The following DKC1 variants were observed in gnomAD, a reference collection of about 807,000 sequenced individuals.
DKC1 encodes the protein dyskerin pseudouridine synthase 1.
Under a neutral mutation model 46.7 loss-of-function variants are expected in DKC1, and 4 were observed. That is an observed-to-expected ratio of 0.09 (90% CI 0.04 to 0.20). DKC1 has a LOEUF of 0.20. Ranked by LOEUF, DKC1 falls within the 10% of genes least tolerant of loss-of-function variation. DKC1 has a pLI of 1.00. For missense variants in DKC1, 171 were observed against 404.2 expected, an observed-to-expected ratio of 0.42 and a Z score of 4.95; for synonymous variants, 141 against 142.4, an observed-to-expected ratio of 0.99 and a Z score of 0.07.
In DKC1 at chrX:154,762,884, G is replaced by C; in HGVS notation, c.-82G>C. ...CGGGTGGGTGGGTCCTAGCAGCGCG[G>C]CCTGACGGGACCAAGGCGGCGGGAG... On this transcript the variant is annotated 5_prime_UTR_variant, in exon 1 of 15. Coordinates refer to ENST00000369550, the MANE Select transcript of DKC1 (RefSeq NM_001363.5). The C allele has an allele frequency of 8.9e-7, 1 of 1,122,712 alleles. No homozygotes were observed. The highest frequency in any genetic ancestry group is 1.8e-5 in the African/African-American group (1 of 55,774). 92.5% of individuals were successfully genotyped at this position (1,122,712 alleles called of 1,213,427 possible).
intron 13 of DKC1, 77 bp downstream of exon 13, chrX:154,775,350 T>C: frequency 1.0e-6 from 1 of 983,677 alleles, no homozygotes; most frequent in Non-Finnish European, 1.4e-6. Flanking sequence ...CGTCTTACTT[T>C]GTGACTGTCC....
chrX:154,766,437 A>G, intron 5 of DKC1, 37 bp downstream of exon 5: 1 of 1,130,268 alleles, frequency 8.8e-7, no homozygotes, highest in Non-Finnish European at 1.2e-6. Context: ...GGCTAGAGTG[A>G]AAAGCTTTCT....
chrX:154,776,063 C>A, intron 13 of DKC1, 124 bp from the exon 14 acceptor site: 1 of 907,036 alleles, frequency 1.1e-6, no homozygotes, highest in Non-Finnish European at 1.6e-6. Flanking sequence ...GGTTTGTAGT[C>A]AGAAAACGTC....
intron 5 of DKC1, 149 bp downstream of exon 5, chrX:154,766,549 T>C: frequency 1.8e-6 from 1 of 563,908 alleles, no homozygotes; most frequent in Middle Eastern, 5.5e-4. Flanking sequence ...GTACGTTCTG[T>C]CCCCTGCCAG....
chrX:154,762,996 C>T lies in DKC1; in HGVS notation c.16+15C>T. 8.5e-7 allele frequency: 1 copy of T among 1,176,734 alleles called. No individual in the cohort carries two copies. On this transcript the variant is annotated intron_variant, in intron 1 of 14. Coordinates refer to ENST00000369550, the MANE Select transcript of DKC1 (RefSeq NM_001363.5). ...GGATGCGGAAGGTAAGGGCTGCAGG[C>T]TTCCGGGCCGTGCTAACTCCGGGCG...
intron 1 of DKC1, among the ~76,000 whole-genome samples, chrX:154,763,896 C>T (rs1569558446): frequency 9.0e-6 from 1 of 111,620 alleles, no homozygotes; most frequent in Admixed American, 9.5e-5. Context: ...CAGGGCCGGG[C>T]GCGGTGGCTC....
In DKC1 at chrX:154,776,848, T is replaced by C; in HGVS notation, c.1526T>C (p.Val509Ala). 8.3e-7 allele frequency: 1 copy of C among 1,203,286 alleles called. No individual in the cohort carries two copies. Among genetic ancestry groups the C allele is most frequent in the Non-Finnish European group, 1.1e-6 (1 of 890,755 alleles). The change falls in exon 15 of 15, where the codon GTA becomes GCA. Residue 509 changes from valine (V) to alanine (A), a missense_variant. This residue lies in a region of DKC1 where 54 missense variants were observed against 64.4 expected (regional missense o/e 0.84). Coordinates refer to ENST00000369550, the MANE Select transcript of DKC1 (RefSeq NM_001363.5). Reference sequence around the variant, plus strand: ...AAGAAGAAGAAGAAAGCAAAAGAGGTAGAATTGGTTTCTGAGTAGTGAAGG... The same window carrying C: ...AAGAAGAAGAAGAAAGCAAAAGAGGCAGAATTGGTTTCTGAGTAGTGAAGG... ...KKKKKKKAKEVELVSE is the reference protein window; with the variant it reads ...KKKKKKKAKEAELVSE
chrX:154,763,598 C>G (rs1410688039), intron 1 of DKC1, among the ~76,000 whole-genome samples: 1 of 112,191 alleles, frequency 8.9e-6, no homozygotes, highest in African/African-American at 3.2e-5. Flanking sequence ...GGGACCCATA[C>G]ATTTGGCCTT....
At chrX:154,770,618 C>T in intron 9 of DKC1, 141 bp from the exon 10 acceptor site, 1 of 784,338 alleles carries the variant, frequency 1.3e-6, no homozygotes, top group East Asian at 3.2e-5. Context: ...CCACTCATGC[C>T]CCTTGCAGCT....
intron 5 of DKC1, 187 bp downstream of exon 5, chrX:154,766,587 T>G (rs1557264200): frequency 2.2e-6 from 1 of 462,855 alleles, no homozygotes; most frequent in Non-Finnish European, 3.7e-6. Flanking sequence ...TTTTTGGAAT[T>G]CCACATACTA....
chrX:154,763,771 T>C (rs782615689), intron 1 of DKC1, among the ~76,000 whole-genome samples: 1 of 112,268 alleles, frequency 8.9e-6, no homozygotes, highest in East Asian at 2.8e-4. Context: ...GCTCCTAGGC[T>C]TCAAACCTGG....
intron 14 of DKC1, 118 bp from the exon 15 acceptor site, chrX:154,776,681 C>T: frequency 1.4e-6 from 1 of 732,506 alleles, no homozygotes; most frequent in Non-Finnish European, 2.1e-6. Context: ...CCCAAAATAT[C>T]CTTACAGGTC....
At chrX:154,770,974 C>A in intron 10 of DKC1, 95 bp downstream of exon 10, 1 of 853,811 alleles carries the variant, frequency 1.2e-6, no homozygotes, top group Non-Finnish European at 1.7e-6. Context: ...TTGATACAGG[C>A]ATGCAATACA....
chrX:154,776,469 C>A, intron 14 of DKC1, 145 bp downstream of exon 14: 1 of 891,171 alleles, frequency 1.1e-6, no homozygotes, highest in Non-Finnish European at 1.6e-6. Context: ...TAGTGCTTCC[C>A]CATGTTCCTG....
chrX:154,774,905 G>C (rs1177896476), intron 12 of DKC1, 200 bp downstream of exon 12: 6 of 568,706 alleles, frequency 1.1e-5, no homozygotes, highest in Non-Finnish European at 1.9e-5. Flanking sequence ...ACTTGGTTTG[G>C]GGCAAACTTG....
At chrX:154,770,912 A>G in intron 10 of DKC1, 33 bp downstream of exon 10, 1 of 1,198,719 alleles carries the variant, frequency 8.3e-7, no homozygotes, top group Non-Finnish European at 1.1e-6. Context: ...TAAATTCTAA[A>G]TGTTTGTGGT....
At chrX:154,765,609 C>A in intron 3 of DKC1, 79 bp downstream of exon 3, 1 of 804,876 alleles carries the variant, frequency 1.2e-6, no homozygotes, top group Non-Finnish European at 1.9e-6. Flanking sequence ...ATTGAGAATG[C>A]TTACTGCTGG....
rs1205131210 is a variant in DKC1, at chrX:154,762,891, G to T, written c.-75G>T. ...GTGGGTCCTAGCAGCGCGGCCTGAC[G>T]GGACCAAGGCGGCGGGAGTCTGCGG... On this transcript the variant is annotated 5_prime_UTR_variant, in exon 1 of 15. Transcript: ENST00000369550. 6.2e-6 allele frequency: 7 copies of T among 1,138,189 alleles called. No individual in the cohort carries two copies. In the East Asian group the frequency reaches 1.3e-4, roughly 21 times the overall value. The allele number at this position is 1,138,189 out of a possible 1,213,427, so 93.8% of individuals were successfully genotyped here. A position where few individuals can be genotyped will look rare whatever the true frequency, so the allele number is the denominator to read the frequency against.
At chrX:154,768,007 T>A (rs2071771109) in intron 7 of DKC1, 3 of 282,777 alleles carry the variant, frequency 1.1e-5, no homozygotes, top group Non-Finnish European at 1.9e-5. Context: ...CCCGCCATCA[T>A]GCCCGGCTAA....
Sources: allele counts gnomAD v4.1 joint callset (sites outside exome capture counted in the v4.1 genomes callset), GRCh38; gene constraint gnomAD v4.1.1; regional missense constraint gnomAD v4.1.1; transcripts MANE v1.5; gene names NCBI Gene and HGNC (gene_info 2026-07-23, HGNC 2026-07-21).